The following ARHGEF18 variants were observed in gnomAD, a reference collection of about 807,000 sequenced individuals.
ARHGEF18 encodes the protein rho guanine nucleotide exchange factor 18.
A neutral mutation model predicts 155.7 loss-of-function variants in ARHGEF18; 93 were observed. The observed-to-expected ratio is 0.60, with a 90% CI of 0.50 to 0.71. The LOEUF (loss-of-function observed/expected upper bound fraction) is 0.71, where lower values mean the gene tolerates loss of function less well. Among genes scored for constraint, ARHGEF18 ranks in the 30% least tolerant of loss-of-function variants. The pLI is 0.00. For missense variants in ARHGEF18, 1,593 were observed against 1,816.1 expected (o/e 0.88, Z 2.23); for synonymous variants, 742 against 753.1 (o/e 0.99, Z 0.24).
At position 7,470,171 on chromosome 19, in the gene ARHGEF18, C is replaced by T; in HGVS notation, c.3959C>T (p.Ser1320Phe). 6.2e-7 allele frequency: 1 copy of T among 1,612,324 alleles called. No homozygotes were observed. The change falls in exon 29 of 29, where the codon TCC becomes TTC. Residue 1320 changes from serine (S) to phenylalanine (F), a missense_variant. By Grantham distance (155) the Ser-to-Phe change is radical. Coordinates refer to ENST00000668164, the MANE Select transcript of ARHGEF18 (RefSeq NM_001367823.1). The surrounding 1 kb of genome is among the most constrained non-coding windows in gnomAD (Gnocchi z 5.9). ...APSPPPADSP[S>F]EGFSLKAGGT... is the part of the protein sequence containing the mutation. ...AGCCCACCGCCAGCTGACAGCCCCT[C>T]CGAGGGCTTCTCTCTCAAGGCCGGG...
At position 7,467,428 on chromosome 19, in the gene ARHGEF18, A is replaced by C. The variant is rs1976710480; in HGVS notation, c.3224A>C (p.Gln1075Pro). 1 of 1,531,574 alleles carries C rather than the reference A, an allele frequency of 6.5e-7. No homozygotes were observed. The highest frequency in any genetic ancestry group is 8.7e-7 in the Non-Finnish European group (1 of 1,145,170). The allele number at this position is 1,531,574 out of a possible 1,614,324, so 94.9% of individuals were successfully genotyped here. A position where few individuals can be genotyped will look rare whatever the true frequency, so the allele number is the denominator to read the frequency against. ...HEQQRWERER[Q>P]WQHQELERAG... ...CAGCAGCGCTGGGAGCGCGAGCGCCAGTGGCAGCACCAGGAGCTGGAGCGT... is the reference window on the plus strand; with the variant it reads ...CAGCAGCGCTGGGAGCGCGAGCGCCCGTGGCAGCACCAGGAGCTGGAGCGT... The change falls in exon 26 of 29, where the codon CAG becomes CCG. Residue 1075 changes from glutamine to proline, a missense_variant. Coordinates refer to ENST00000668164, the MANE Select transcript of ARHGEF18 (RefSeq NM_001367823.1).
At chr19:7,424,721 C>T (rs1048230390) in intron 10 of ARHGEF18, among the ~76,000 whole-genome samples, 5 of 152,038 alleles carry the variant, frequency 3.3e-5, no homozygotes, top group South Asian at 4.1e-4. Flanking sequence ...TTAGACTGGG[C>T]GCGGTGGCTC....
chr19:7,479,837 A>G, the ARHGEF18 span, among the ~76,000 whole-genome samples: 8 of 152,302 alleles, frequency 5.3e-5, no homozygotes, highest in Non-Finnish European at 1.2e-4. Flanking sequence ...TGATGGATCC[A>G]TGGAGGGGCA....
In ARHGEF18 at chr19:7,419,872, A is replaced by T. The variant is rs546457110; in HGVS notation, c.968-20472A>T. ...CACCATAGAAAGCTGCCTGGAGTGG[A>T]AGCACCTGGGGTGCACCCACACTTG... On this transcript the variant is annotated intron_variant, in intron 10 of 28. Transcript: ENST00000668164. 6.0e-5 allele frequency among the ~76,000 whole-genome samples: 9 copies of T among 149,506 alleles called. 1 individual carries two copies. In the South Asian group the frequency reaches 1.9e-3, roughly 31 times the overall value.
At chr19:7,357,931 T>A (rs1203893745) in intron 1 of ARHGEF18, among the ~76,000 whole-genome samples, 1 of 152,110 alleles carries the variant, frequency 6.6e-6, no homozygotes, top group African/African-American at 2.4e-5. Flanking sequence ...CTCACCTTGG[T>A]TTCCTTCCTG....
intron 26 of ARHGEF18, 40 bp downstream of exon 26, chr19:7,467,724 C>G: frequency 7.0e-7 from 1 of 1,423,818 alleles, no homozygotes. Flanking sequence ...TTGGGGGTGA[C>G]CGGTTTGCAC....
intron 2 of ARHGEF18, among the ~76,000 whole-genome samples, chr19:7,365,230 C>T (rs1969832458): frequency 6.6e-6 from 1 of 152,164 alleles, no homozygotes; most frequent in South Asian, 2.1e-4. Context: ...CAGCACAGGC[C>T]AGCCTGAGCA....
At chr19:7,369,341 A>G (rs1412427685) in intron 2 of ARHGEF18, among the ~76,000 whole-genome samples, 1 of 152,046 alleles carries the variant, frequency 6.6e-6, no homozygotes, top group East Asian at 1.9e-4. Flanking sequence ...CATGCCTGTA[A>G]TCCCAGCTAC....
chr19:7,390,668 G>C (rs1486169780), intron 10 of ARHGEF18: 1 of 152,112 alleles, frequency 6.6e-6, no homozygotes, highest in Non-Finnish European at 1.5e-5. Context: ...AAGTCTTTCA[G>C]CCAGTAAGCG....
At chr19:7,385,872 C>T (rs867271391) in intron 10 of ARHGEF18, among the ~76,000 whole-genome samples, 839 of 49,600 alleles carry the variant, frequency 0.017, 35 homozygotes, top group African/African-American at 0.044. Flanking sequence ...TCTCTCTCTC[C>T]CCCCTCCCTC....
chr19:7,413,051 C>G (rs978028169), intron 10 of ARHGEF18, among the ~76,000 whole-genome samples: 1 of 152,086 alleles, frequency 6.6e-6, no homozygotes, highest in Admixed American at 6.6e-5. Flanking sequence ...GCCAGCGAAT[C>G]AGGATCAAAC....
intron 10 of ARHGEF18, among the ~76,000 whole-genome samples, chr19:7,407,678 T>C (rs1385126109): frequency 1.3e-5 from 2 of 152,092 alleles, no homozygotes; most frequent in Admixed American, 6.6e-5. Context: ...CAATTAGATA[T>C]AGTAGGCCAG....
At chr19:7,387,314 G>A (rs1461939447) in intron 10 of ARHGEF18, among the ~76,000 whole-genome samples, 1 of 151,936 alleles carries the variant, frequency 6.6e-6, no homozygotes, top group African/African-American at 2.4e-5. Context: ...CACCATGCCC[G>A]GCTAATTTTT....
intron 10 of ARHGEF18, among the ~76,000 whole-genome samples, chr19:7,390,990 A>C (rs986215291): frequency 6.6e-6 from 1 of 152,148 alleles, no homozygotes; most frequent in Non-Finnish European, 1.5e-5. Context: ...CAGTGAGCTG[A>C]GATCACACCA....
intron 10 of ARHGEF18, among the ~76,000 whole-genome samples, chr19:7,409,303 C>T (rs116958054): frequency 0.086 from 12,151 of 140,990 alleles, 665 homozygotes; most frequent in Non-Finnish European, 0.12. Flanking sequence ...TTGTGATCCA[C>T]CGCGTCCGGC....
At chr19:7,473,519 T>C (rs2145935391), downstream of ARHGEF18, among the ~76,000 whole-genome samples, 1 of 151,550 alleles carries the variant, frequency 6.6e-6, no homozygotes, top group South Asian at 2.1e-4. Context: ...AATTAAAAAA[T>C]TAGCCAGGTT....
the ARHGEF18 span, chr19:7,478,328 C>T: frequency 2.3e-5 from 37 of 1,610,856 alleles, no homozygotes; most frequent in African/African-American, 2.5e-4. Flanking sequence ...TGAAGGGCGC[C>T]GTGGGGCTCC....
Position 7,362,918 on chromosome 19 carries a change from C to T in ARHGEF18, c.15+13C>T. On this transcript the variant is annotated intron_variant, in intron 2 of 28. Coordinates refer to ENST00000668164, the MANE Select transcript of ARHGEF18 (RefSeq NM_001367823.1). ...GGGGGATGATCAGGCAGGTGTCTGA[C>T]TGCTGAAACGGGCAGGAGCTGATGA... 1.6e-6 allele frequency: 2 copies of T among 1,234,378 alleles called. No homozygotes were observed. The highest frequency in any genetic ancestry group is 2.0e-6 in the Non-Finnish European group (2 of 988,170). 76.5% of individuals were successfully genotyped at this position (1,234,378 alleles called of 1,614,324 possible).
chr19:7,462,051 A>G lies in ARHGEF18; in HGVS notation c.2453-101A>G. ...ACAAGGGGGCAGCCTACCTCAGGGC[A>G]GGGCCAGCGGGGTTCCTCATCCTTA... On this transcript the variant is annotated intron_variant, in intron 20 of 28. Transcript: ENST00000668164. The surrounding 1 kb of genome is among the most constrained non-coding windows in gnomAD (Gnocchi z 4.4). The G allele has an allele frequency of 7.1e-7, 1 of 1,411,364 alleles. No individual in the cohort carries two copies. Among genetic ancestry groups the G allele is most frequent in the Non-Finnish European group, 9.9e-7 (1 of 1,008,826 alleles). 87.4% of individuals were successfully genotyped at this position (1,411,364 alleles called of 1,614,324 possible). A position where few individuals can be genotyped will look rare whatever the true frequency, so the allele number is the denominator to read the frequency against.
Sources: allele counts gnomAD v4.1 joint callset (sites outside exome capture counted in the v4.1 genomes callset), GRCh38; gene constraint gnomAD v4.1.1; non-coding constraint Gnocchi (gnomAD v3.1); transcripts MANE v1.5; gene names NCBI Gene and HGNC (gene_info 2026-07-23, HGNC 2026-07-21).